Variants in HOXB6 observed in about 807,000 individuals in gnomAD.
HOXB6 encodes homeobox protein Hox-B6.
Under a neutral mutation model 24.2 loss-of-function variants are expected in HOXB6, and 18 were observed. That is an observed-to-expected ratio of 0.74 (90% CI 0.51 to 1.10). The LOEUF (loss-of-function observed/expected upper bound fraction) is 1.10, where lower values mean the gene tolerates loss of function less well. Among genes scored for constraint, HOXB6 ranks in the 50% least tolerant of loss-of-function variants. The pLI is 0.00. For missense variants in HOXB6, 332 were observed against 308.3 expected, an observed-to-expected ratio of 1.08 and a Z score of -0.58; for synonymous variants, 159 against 139.1, an observed-to-expected ratio of 1.14 and a Z score of -1.01.
intron 2 of HOXB6, among the ~76,000 whole-genome samples, chr17:48,599,164 GC>G (rs1346093247): frequency 1.3e-5 from 2 of 152,160 alleles, no homozygotes; most frequent in African/African-American, 4.8e-5. Context: ...AGCCTAGGTG[GC>G]TTTATTTGTC....
chr17:48,600,383 G>C, intron 2 of HOXB6: 1 of 447,284 alleles, frequency 2.2e-6, no homozygotes, highest in South Asian at 1.6e-5. Flanking sequence ...CCCTGTGTCA[G>C]AAGCAGGGAA....
At chr17:48,602,229 C>T (rs2070485132) in intron 2 of HOXB6, 1 of 456,150 alleles carries the variant, frequency 2.2e-6, no homozygotes, top group Non-Finnish European at 4.4e-6. Flanking sequence ...AGAACACAGA[C>T]CCGGTTTGTC....
At chr17:48,602,368 C>T in intron 2 of HOXB6, 1 of 373,906 alleles carries the variant, frequency 2.7e-6, no homozygotes. Context: ...TCATCCTCTC[C>T]CGCGCCTTGG....
chr17:48,596,344 G>T lies in HOXB6; in HGVS notation c.*69C>A, dbSNP rs1215336400. The T allele has an allele frequency of 5.6e-6, 9 of 1,608,456 alleles. No homozygotes were observed. Among genetic ancestry groups the T allele is most frequent in the Admixed American group, 1.7e-5 (1 of 59,982 alleles). On this transcript the variant is annotated 3_prime_UTR_variant, in exon 4 of 4. Coordinates refer to ENST00000225648, the MANE Select transcript of HOXB6 (RefSeq NM_018952.5). This position sits in a 1 kb window ranked among gnomAD's most constrained non-coding sequence, Gnocchi z 4.8. ...CCCCCACCCGAGAGCCTTCCTTCCC[G>T]GGTCTCTCTGACGCCCTCGGCTCCC...
Position 48,597,788 on chromosome 17 carries a change from C to G in HOXB6, c.363G>C (p.Gln121His), listed in dbSNP as rs775292723. The G allele has an allele frequency of 7.4e-6, 12 of 1,612,024 alleles. No homozygotes were observed. The highest frequency in any genetic ancestry group is 1.0e-5 in the Non-Finnish European group (12 of 1,179,172). The change falls in exon 3 of 4, where the codon CAG becomes CAC. Residue 121 changes from glutamine (Q) to histidine (H), a missense_variant. By Grantham distance (24) the Gln-to-His change is conservative (BLOSUM62 0). Transcript: ENST00000225648. ...DKSVFGETEE[Q>H]KCSTPVYPWM... Reference sequence around the variant, plus strand: ...ACGGGTAGACCGGAGTGGAGCACTTCTGCTCTTCTGTCTCGCCGAACACGC... The same window carrying G: ...ACGGGTAGACCGGAGTGGAGCACTTGTGCTCTTCTGTCTCGCCGAACACGC...
chr17:48,598,004 C>T lies in HOXB6; in HGVS notation c.147G>A (p.Gln49=), dbSNP rs779089554. Residue 49 remains glutamine, a synonymous_variant, in exon 3 of 4, where the codon CAG becomes CAA. Coordinates refer to ENST00000225648, the MANE Select transcript of HOXB6 (RefSeq NM_018952.5). ...YPAPYGPGPG[Q]DKGFATSSYY... is the part of the protein sequence containing the mutation. ...AGGAGGAAGTGGCAAAGCCCTTGTC[C>T]TGGCCCGGCCCTGGCCCGTAGGGCG... is the stretch of plus-strand genomic sequence containing the variant. The T allele has an allele frequency of 6.3e-7, 1 of 1,594,912 alleles. No homozygotes were observed. The highest frequency in any genetic ancestry group is 8.5e-7 in the Non-Finnish European group (1 of 1,171,052).
In HOXB6 at chr17:48,597,820, C is replaced by T. The variant is rs1167887206; in HGVS notation, c.331G>A (p.Asp111Asn). 6.2e-7 allele frequency: 1 copy of T among 1,607,336 alleles called. No individual in the cohort carries two copies. The highest frequency in any genetic ancestry group is 1.1e-5 in the South Asian group (1 of 89,968). Reference sequence around the variant, plus strand: ...TCTGTCTCGCCGAACACGCTCTTGTCCTGCGCGCAGTCCGACTTCCGCGGC... The same window carrying T: ...TCTGTCTCGCCGAACACGCTCTTGTTCTGCGCGCAGTCCGACTTCCGCGGC... ...PEPRKSDCAQ[D>N]KSVFGETEEQ... Residue 111 changes from aspartate (D) to asparagine (N), a missense_variant, in exon 3 of 4, where the codon GAC (aspartate) becomes AAC (asparagine). Coordinates refer to ENST00000225648, the MANE Select transcript of HOXB6 (RefSeq NM_018952.5).
Position 48,596,777 on chromosome 17 carries a change from C to T in HOXB6, c.416-105G>A. 6.5e-7 allele frequency: 1 copy of T among 1,528,640 alleles called. No individual in the cohort carries two copies. The highest frequency in any genetic ancestry group is 2.3e-5 in the East Asian group (1 of 43,006). 94.7% of individuals were successfully genotyped at this position (1,528,640 alleles called of 1,614,324 possible). Reference sequence around the variant, plus strand: ...ACTCCAGCCAGTACCGGGATGCCCTCTATTCTGCCGGCTCCCTTCCCCCGT... The same window carrying T: ...ACTCCAGCCAGTACCGGGATGCCCTTTATTCTGCCGGCTCCCTTCCCCCGT... On this transcript the variant is annotated intron_variant, in intron 3 of 3. Transcript: ENST00000225648. This position sits in a 1 kb window ranked among gnomAD's most constrained non-coding sequence, Gnocchi z 4.8.
chr17:48,596,970 T>A lies in HOXB6; in HGVS notation c.416-298A>T. 7.7e-7 allele frequency: 1 copy of A among 1,299,560 alleles called. No homozygotes were observed. Among genetic ancestry groups the A allele is most frequent in the Non-Finnish European group, 9.9e-7 (1 of 1,011,708 alleles). The allele number at this position is 1,299,560 out of a possible 1,614,324, so 80.5% of individuals were successfully genotyped here. A position where few individuals can be genotyped will look rare whatever the true frequency, so the allele number is the denominator to read the frequency against. ...TTCCTAGTTGCATCTTGTCTTTCCC[T>A]CCCTTTCCATCCATCTTGTTCCCAC... On this transcript the variant is annotated intron_variant, in intron 3 of 3. Transcript: ENST00000225648. This position sits in a 1 kb window ranked among gnomAD's most constrained non-coding sequence, Gnocchi z 4.8.
In HOXB6 at chr17:48,596,607, G is replaced by C; in HGVS notation, c.481C>G (p.Leu161Val). 6.2e-7 allele frequency: 1 copy of C among 1,614,192 alleles called. No homozygotes were observed. Among genetic ancestry groups the C allele is most frequent in the Non-Finnish European group, 8.5e-7 (1 of 1,180,046 alleles). ...QTYTRYQTLE[L>V]EKEFHYNRYL... Reference sequence around the variant, plus strand: ...CGATTGTAGTGAAACTCCTTCTCCAGCTCCAGCGTCTGGTAACGTGTGTAT... The same window carrying C: ...CGATTGTAGTGAAACTCCTTCTCCACCTCCAGCGTCTGGTAACGTGTGTAT... Residue 161 changes from leucine (L) to valine (V), a missense_variant, in exon 4 of 4, where the codon CTG (leucine) becomes GTG (valine). Coordinates refer to ENST00000225648, the MANE Select transcript of HOXB6 (RefSeq NM_018952.5). This position sits in a 1 kb window ranked among gnomAD's most constrained non-coding sequence, Gnocchi z 4.8.
In HOXB6 at chr17:48,598,104, C is replaced by G. The variant is rs369696821; in HGVS notation, c.47G>C (p.Ser16Thr). 3.1e-6 allele frequency: 5 copies of G among 1,598,758 alleles called. No homozygotes were observed. The African/African-American group carries it at 6.7e-5, about 21-fold the overall frequency. The change falls in exon 3 of 4, where the codon AGC (serine) becomes ACC (threonine). Residue 16 changes from serine to threonine, a missense_variant. Physicochemically the swap from Ser to Thr is moderately conservative, Grantham distance 58. Transcript: ENST00000225648. ...VNSTFPVTLA[S>T]GQESFLGQLP... The stretch of plus-strand genomic sequence containing the variant: ...CTGGCCCAGGAAGGACTCCTGCCCG[C>G]TGGCCAGAGTGACGGGGAAGGTGGA...
intron 2 of HOXB6, among the ~76,000 whole-genome samples, chr17:48,599,898 A>G (rs917265042): frequency 1.3e-5 from 2 of 152,128 alleles, no homozygotes; most frequent in African/African-American, 4.8e-5. Flanking sequence ...ATGGTACAAG[A>G]CACTAGGGAA....
At chr17:48,599,022 T>C (rs1597876456) in intron 2 of HOXB6, among the ~76,000 whole-genome samples, 1 of 152,072 alleles carries the variant, frequency 6.6e-6, no homozygotes, top group Non-Finnish European at 1.5e-5. Flanking sequence ...GCGACGAGGG[T>C]GGCTGCCCAA....
intron 2 of HOXB6, chr17:48,602,378 G>A (rs1183517814): frequency 2.7e-6 from 1 of 369,320 alleles, no homozygotes; most frequent in African/African-American, 2.1e-5. Context: ...CCGCGCCTTG[G>A]TGGGGTGGGG....
At chr17:48,597,389 G>C (rs1399309390) in intron 3 of HOXB6, among the ~76,000 whole-genome samples, 1 of 152,148 alleles carries the variant, frequency 6.6e-6, no homozygotes. Flanking sequence ...AACCCTACCA[G>C]GGCTGGGAGA....
Position 48,597,763 on chromosome 17 carries a change from A to T in HOXB6, c.388T>A (p.Trp130Arg). The change falls in exon 3 of 4, where the codon TGG (tryptophan) becomes AGG (arginine). Residue 130 changes from tryptophan to arginine, a missense_variant. Transcript: ENST00000225648. Reference sequence around the variant, plus strand: ...TTGCACGAATTCATCCGCTGCATCCACGGGTAGACCGGAGTGGAGCACTTC... The same window carrying T: ...TTGCACGAATTCATCCGCTGCATCCTCGGGTAGACCGGAGTGGAGCACTTC... ...EQKCSTPVYP[W>R]MQRMNSCNSS... The T allele has an allele frequency of 6.2e-7, 1 of 1,613,094 alleles. No homozygotes were observed. The highest frequency in any genetic ancestry group is 1.7e-5 in the Admixed American group (1 of 59,926).
chr17:48,597,725 G>A lies in HOXB6; in HGVS notation c.415+11C>T. The A allele has an allele frequency of 1.2e-6, 2 of 1,611,964 alleles. No individual in the cohort carries two copies. The highest frequency in any genetic ancestry group is 8.5e-7 in the Non-Finnish European group (1 of 1,179,172). ...GGAGCCGGGGCGACGGCGACGGGAA[G>A]TCTCACTCACTGTTGCACGAATTCA... is the stretch of plus-strand genomic sequence containing the variant. On this transcript the variant is annotated intron_variant, in intron 3 of 3. Transcript: ENST00000225648.
At chr17:48,597,615 C>T in intron 3 of HOXB6, 121 bp downstream of exon 3, 2 of 1,089,750 alleles carry the variant, frequency 1.8e-6, no homozygotes, top group Admixed American at 2.0e-5. Context: ...CTTCTATCTC[C>T]TAACTGAGAT....
chr17:48,599,337 C>T (rs1230782585), intron 2 of HOXB6, among the ~76,000 whole-genome samples: 1 of 152,226 alleles, frequency 6.6e-6, no homozygotes, highest in African/African-American at 2.4e-5. Context: ...TTTGAACCCT[C>T]CTGATAGTTG....
Sources: gnomAD v4.1 joint callset for allele counts (sites outside exome capture counted in the v4.1 genomes callset) on GRCh38, gnomAD v4.1.1 for gene constraint, Gnocchi (gnomAD v3.1) non-coding constraint, MANE v1.5 for transcripts, NCBI Gene and HGNC (gene_info 2026-07-23, HGNC 2026-07-21) for gene names.